Variants in GABBR1 observed in about 807,000 individuals in gnomAD.
GABBR1 encodes gamma-aminobutyric acid type B receptor subunit 1, also known as GABA-B receptor, R1 subunit.
GABBR1 carries 35 observed loss-of-function variants against 117.7 expected under a neutral mutation model. The ratio of observed to expected loss-of-function variants is 0.30; its 90% CI spans 0.23 to 0.39. The LOEUF is 0.39. GABBR1 is among the 10% of genes least tolerant of loss of function. GABBR1 has a pLI of 1.00. For missense variants in GABBR1, 709 were observed against 1,241.8 expected (o/e 0.57, Z 6.45); for synonymous variants, 442 against 486.6 (o/e 0.91, Z 1.21).
Position 29,627,458 on chromosome 6 carries a change from T to TC in GABBR1, c.657+27dup. ...GCCCCCTGCCCCGCAAGCCCCCACC[T>TC]CCCACCCACCCCCATGTCCAGGGCT... On this transcript the variant is annotated intron_variant, in intron 6 of 22. Transcript: ENST00000377034. This position sits in a 1 kb window ranked among gnomAD's most constrained non-coding sequence, Gnocchi z 4.4. The TC allele has an allele frequency of 9.8e-6, 4 of 409,644 alleles. No individual in the cohort carries two copies. The highest frequency in any genetic ancestry group is 5.5e-5 in the South Asian group (2 of 36,622). The allele number at this position is 409,644 out of a possible 1,614,324, so 25.4% of individuals were successfully genotyped here. A position where few individuals can be genotyped will look rare whatever the true frequency, so the allele number is the denominator to read the frequency against.
At chr6:29,614,353 C>T (rs1762844579) in intron 11 of GABBR1, among the ~76,000 whole-genome samples, 1 of 152,186 alleles carries the variant, frequency 6.6e-6, no homozygotes, top group Non-Finnish European at 1.5e-5. Context: ...CTTGGGAAAC[C>T]ACAAGTAATA....
Position 29,606,099 on chromosome 6 carries a change from A to T in GABBR1, c.2311+292T>A. The T allele has an allele frequency of 1.8e-6, 1 of 546,202 alleles. No individual in the cohort carries two copies. 33.8% of individuals were successfully genotyped at this position (546,202 alleles called of 1,614,324 possible). A position where few individuals can be genotyped will look rare whatever the true frequency, so the allele number is the denominator to read the frequency against. ...ATGCTAATAAGGCCAAGGGGGATCTAAAAGATAATGTCAAGTCTGGAGGTG... is the reference window on the plus strand; with the variant it reads ...ATGCTAATAAGGCCAAGGGGGATCTTAAAGATAATGTCAAGTCTGGAGGTG... On this transcript the variant is annotated intron_variant, in intron 19 of 22. Coordinates refer to ENST00000377034, the MANE Select transcript of GABBR1 (RefSeq NM_001470.4). The surrounding 1 kb of genome is among the most constrained non-coding windows in gnomAD (Gnocchi z 4.5).
chr6:29,612,763 C>T, intron 12 of GABBR1, 149 bp from the exon 13 acceptor site: 1 of 696,086 alleles, frequency 1.4e-6, no homozygotes, highest in Admixed American at 2.2e-5. Flanking sequence ...ATAGGACATA[C>T]CCCAGATGCC....
intron 11 of GABBR1, among the ~76,000 whole-genome samples, chr6:29,619,848 G>T (rs568458653): frequency 6.6e-6 from 1 of 152,146 alleles, no homozygotes; most frequent in Non-Finnish European, 1.5e-5. Flanking sequence ...TTTTTTCATT[G>T]TATTTTTCAA....
intron 11 of GABBR1, among the ~76,000 whole-genome samples, chr6:29,618,165 G>A (rs1242997536): frequency 2.0e-5 from 3 of 152,062 alleles, no homozygotes; most frequent in Non-Finnish European, 2.9e-5. Context: ...TGAAAGATTG[G>A]TCTATCCAAT....
In GABBR1 at chr6:29,621,175, C is replaced by T; in HGVS notation, c.1249G>A (p.Glu417Lys). The stretch of plus-strand genomic sequence containing the variant: ...GTTGTGATGTGGCCCTCCACCGCCT[C>T]AGTCATCTCATCCACTGTGCAGTTG... Reference protein sequence around the residue: ...SINCTVDEMTEAVEGHITTEI... With the variant: ...SINCTVDEMTKAVEGHITTEI... Residue 417 changes from glutamate to lysine, a missense_variant, in exon 11 of 23, where the codon GAG becomes AAG. Physicochemically the swap from Glu to Lys is moderately conservative, Grantham distance 56. This residue lies in a region of GABBR1 where 192 missense variants were observed against 418.4 expected (regional missense o/e 0.46). Transcript: ENST00000377034. This position sits in a 1 kb window ranked among gnomAD's most constrained non-coding sequence, Gnocchi z 5.0. The T allele has an allele frequency of 6.2e-7, 1 of 1,613,074 alleles. No individual in the cohort carries two copies. Among genetic ancestry groups the T allele is most frequent in the Non-Finnish European group, 8.5e-7 (1 of 1,180,026 alleles).
intron 6 of GABBR1, 99 bp from the exon 7 acceptor site, chr6:29,624,123 A>C: frequency 8.5e-7 from 1 of 1,173,382 alleles, no homozygotes; most frequent in South Asian, 2.1e-5. Context: ...TTCCTTTCTC[A>C]ATTACTCACT....
Position 29,630,183 on chromosome 6 carries a change from A to C in GABBR1, c.475+275T>G. 1 of 409,824 alleles carries C rather than the reference A, an allele frequency of 2.4e-6. No individual in the cohort carries two copies. The highest frequency in any genetic ancestry group is 3.5e-5 in the East Asian group (1 of 28,974). The allele number at this position is 409,824 out of a possible 1,614,324, so 25.4% of individuals were successfully genotyped here. Reference sequence around the variant, plus strand: ...GAAGGTGAGAGAGGTGAGATTCATAAAGGAAAAGAGAAAACGTGAGGTCTA... The same window carrying C: ...GAAGGTGAGAGAGGTGAGATTCATACAGGAAAAGAGAAAACGTGAGGTCTA... On this transcript the variant is annotated intron_variant, in intron 4 of 22. Coordinates refer to ENST00000377034, the MANE Select transcript of GABBR1 (RefSeq NM_001470.4). This position sits in a 1 kb window ranked among gnomAD's most constrained non-coding sequence, Gnocchi z 4.9.
Position 29,621,661 on chromosome 6 carries a change from C to A in GABBR1, c.1131+91G>T. On this transcript the variant is annotated intron_variant, in intron 10 of 22. Transcript: ENST00000377034. This position sits in a 1 kb window ranked among gnomAD's most constrained non-coding sequence, Gnocchi z 5.0. ...ATCGTCACCTCAGATCATATGCTAT[C>A]AACTCAGGCACAGATGCCAAGAGGA... is the stretch of plus-strand genomic sequence containing the variant. The A allele has an allele frequency of 9.0e-7, 1 of 1,105,096 alleles. No homozygotes were observed. The highest frequency in any genetic ancestry group is 1.4e-6 in the Non-Finnish European group (1 of 720,086). The allele number at this position is 1,105,096 out of a possible 1,614,324, so 68.5% of individuals were successfully genotyped here. A position where few individuals can be genotyped will look rare whatever the true frequency, so the allele number is the denominator to read the frequency against.
In GABBR1 at chr6:29,630,557, G is replaced by C. The variant is rs761532280; in HGVS notation, c.376C>G (p.Arg126Gly). The C allele has an allele frequency of 6.2e-7, 1 of 1,613,046 alleles. No homozygotes were observed. The highest frequency in any genetic ancestry group is 8.5e-7 in the Non-Finnish European group (1 of 1,180,020). The change falls in exon 4 of 23, where the codon CGG (arginine) becomes GGG (glycine). Residue 126 changes from arginine (R) to glycine (G), a missense_variant. Physicochemically the swap from Arg to Gly is moderately radical, Grantham distance 125. Transcript: ENST00000377034. The surrounding 1 kb of genome is among the most constrained non-coding windows in gnomAD (Gnocchi z 4.9). ...GGDLPALDGA[R>G]VDFRCDPDFH... The stretch of plus-strand genomic sequence containing the variant: ...TCGGGGTCACACCGGAAATCCACCC[G>C]GGCTCCGTCCAGAGCTGGGAGGTCC...
chr6:29,609,374 A>C lies in GABBR1; in HGVS notation c.1714T>G (p.Ser572Ala). 1 of 1,612,530 alleles carries C rather than the reference A, an allele frequency of 6.2e-7. No homozygotes were observed. Among genetic ancestry groups the C allele is most frequent in the Non-Finnish European group, 8.5e-7 (1 of 1,179,888 alleles). ...WSKTDKWIGG[S>A]PPADQTLVIK... ...ACCAGGGTCTGGTCAGCTGGGGGGG[A>C]CCCTCCTGCATGGCACAGGGGAGGA... Residue 572 changes from serine (S) to alanine (A), a missense_variant, in exon 15 of 23, where the codon TCC (serine) becomes GCC (alanine). Transcript: ENST00000377034. The surrounding 1 kb of genome is among the most constrained non-coding windows in gnomAD (Gnocchi z 4.3).
chr6:29,608,173 C>T (rs549572404), intron 16 of GABBR1, among the ~76,000 whole-genome samples: 1 of 152,190 alleles, frequency 6.6e-6, no homozygotes, highest in Non-Finnish European at 1.5e-5. Context: ...TGGCAGTGGT[C>T]CCTTCCCCCC....
chr6:29,612,451 G>C (rs1226094343), intron 13 of GABBR1, 100 bp downstream of exon 13: 4 of 898,464 alleles, frequency 4.5e-6, no homozygotes, highest in Non-Finnish European at 7.2e-6. Flanking sequence ...GGAGGTGCCA[G>C]GGCAATCTTG....
rs187633679 is a variant in GABBR1 at position 29,620,235 on chromosome 6, A to G, written c.1323+866T>C. Among the ~76,000 whole-genome samples the G allele has an allele frequency of 1.2e-4, 19 of 152,306 alleles. No homozygotes were observed. Among genetic ancestry groups the G allele is most frequent in the Admixed American group, 1.2e-3 (18 of 15,290 alleles). The stretch of plus-strand genomic sequence containing the variant: ...TCCACATCAGAGTTTTGCTGTTAGA[A>G]TCCCTGAAATCATGAATCTAAGTAC... On this transcript the variant is annotated intron_variant, in intron 11 of 22. Transcript: ENST00000377034. The surrounding 1 kb of genome is among the most constrained non-coding windows in gnomAD (Gnocchi z 4.5).
At chr6:29,628,810 G>A (rs1216094916) in intron 5 of GABBR1, among the ~76,000 whole-genome samples, 2 of 152,046 alleles carry the variant, frequency 1.3e-5, no homozygotes. Context: ...CCTCTGCTGG[G>A]CTCTGCCTGA....
At chr6:29,615,481 C>A (rs561908784) in intron 11 of GABBR1, among the ~76,000 whole-genome samples, 70 of 151,390 alleles carry the variant, frequency 4.6e-4, no homozygotes, top group African/African-American at 1.6e-3. Context: ...TGTTGGTGGG[C>A]TCCCGTAATC....
rs1763699844 is a variant in GABBR1 at position 29,621,037 on chromosome 6, T to C, written c.1323+64A>G. ...ACCCTCTCCCTGCCACCCTTTCCCC[T>C]GCAAGGCCCCCTCAGTCCTCTCCAC... On this transcript the variant is annotated intron_variant, in intron 11 of 22. Transcript: ENST00000377034. This position sits in a 1 kb window ranked among gnomAD's most constrained non-coding sequence, Gnocchi z 5.0. 3.4e-6 allele frequency: 5 copies of C among 1,463,014 alleles called. No homozygotes were observed. The South Asian group carries it at 6.2e-5, about 18-fold the overall frequency. 90.6% of individuals were successfully genotyped at this position (1,463,014 alleles called of 1,614,324 possible).
chr6:29,604,907 T>C lies in GABBR1; in HGVS notation c.2521A>G (p.Ile841Val), dbSNP rs138053745. The change falls in exon 21 of 23, where the codon ATA (isoleucine) becomes GTA (valine). Residue 841 changes from isoleucine to valine, a missense_variant. Physicochemically the swap from Ile to Val is conservative, Grantham distance 29. Transcript: ENST00000377034. The surrounding 1 kb of genome is among the most constrained non-coding windows in gnomAD (Gnocchi z 5.3). ...AGAGTGATATAGGAGGAGAAAACTA[T>C]GGCAAGAGAGGCAAAGGCAAAGGCT... ...DAAFAFASLA[I>V]VFSSYITLVV... The C allele has an allele frequency of 2.0e-5, 33 of 1,613,042 alleles. No homozygotes were observed. Among genetic ancestry groups the C allele is most frequent in the Non-Finnish European group, 2.7e-5 (32 of 1,179,986 alleles).
At position 29,611,997 on chromosome 6, in the gene GABBR1, C is replaced by CTCTTT. The variant is rs902663920; in HGVS notation, c.1630+549_1630+553dup. ...GAGTAGCTGTTTTTAATTTGCATGTCTCTTTTCTTTTCTTTTTTCTTTGAG... is the reference window on the plus strand; with the variant it reads ...GAGTAGCTGTTTTTAATTTGCATGTCTCTTTTCTTTTCTTTTCTTTTTTCTTTGAG... On this transcript the variant is annotated intron_variant, in intron 13 of 22. Transcript: ENST00000377034. The surrounding 1 kb of genome is among the most constrained non-coding windows in gnomAD (Gnocchi z 4.6). Among the ~76,000 whole-genome samples, 2 of 151,924 alleles carry CTCTTT rather than the reference C, an allele frequency of 1.3e-5. No individual in the cohort carries two copies. The highest frequency in any genetic ancestry group is 4.8e-5 in the African/African-American group (2 of 41,360).
Sources: gnomAD v4.1 joint callset for allele counts (sites outside exome capture counted in the v4.1 genomes callset) on GRCh38, gnomAD v4.1.1 for gene constraint, gnomAD v4.1.1 regional missense constraint, Gnocchi (gnomAD v3.1) non-coding constraint, MANE v1.5 for transcripts, NCBI Gene and HGNC (gene_info 2026-07-23, HGNC 2026-07-21) for gene names.